The following NFIB variants were observed in gnomAD, a reference collection of about 807,000 sequenced individuals.
NFIB encodes nuclear factor 1 B-type.
Under a neutral mutation model 61.5 loss-of-function variants are expected in NFIB, and 11 were observed. That is an observed-to-expected ratio of 0.18 (90% CI 0.11 to 0.30). The LOEUF (loss-of-function observed/expected upper bound fraction) is 0.30. Among genes scored for constraint, NFIB ranks in the 10% least tolerant of loss-of-function variants. The pLI is 1.00. For synonymous variants in NFIB, 260 were observed against 216.5 expected, an observed-to-expected ratio of 1.20 and a Z score of -1.76; for missense variants, 471 against 608.9, an observed-to-expected ratio of 0.77 and a Z score of 2.38.
upstream of NFIB, among the ~76,000 whole-genome samples, chr9:14,315,534 G>A (rs188416857): frequency 6.9e-3 from 974 of 141,908 alleles, 10 homozygotes; most frequent in African/African-American, 0.023. Context: ...CGGCGCGCCC[G>A]GGGCTGCGGG....
chr9:14,443,865 G>T, the NFIB span, among the ~76,000 whole-genome samples: 25 of 152,108 alleles, frequency 1.6e-4, 1 homozygote, highest in East Asian at 4.6e-3. Flanking sequence ...CATGTGGGAG[G>T]TCCTCAATTA....
the NFIB span, among the ~76,000 whole-genome samples, chr9:14,414,837 G>A: frequency 6.6e-6 from 1 of 152,032 alleles, no homozygotes; most frequent in Non-Finnish European, 1.5e-5. Context: ...TGACACTTAG[G>A]CTAAATGTTT....
intron 6 of NFIB, among the ~76,000 whole-genome samples, chr9:14,136,209 T>C (rs572834862): frequency 6.6e-6 from 1 of 152,348 alleles, no homozygotes; most frequent in African/African-American, 2.4e-5. Context: ...TTTTGTCCAC[T>C]AAGCAATTTC....
chr9:14,113,029 T>C lies in NFIB; in HGVS notation c.1437A>G (p.Pro479=). The change falls in exon 10 of 11, where the codon CCA becomes CCG. Residue 479 remains proline (P), a synonymous_variant. Coordinates refer to ENST00000380953, the MANE Select transcript of NFIB (RefSeq NM_001190737.2). ...GCTGATGTAGGAAGGATGGGTCTCTTGGGCTTAGTCCCACATATCGATTGG... is the reference window on the plus strand; with the variant it reads ...GCTGATGTAGGAAGGATGGGTCTCTCGGGCTTAGTCCCACATATCGATTGG... ...SQANRYVGLS[P]RDPSFLHQQQ... 3 of 1,550,376 alleles carry C rather than the reference T, an allele frequency of 1.9e-6. No individual in the cohort carries two copies. The highest frequency in any genetic ancestry group is 1.2e-5 in the South Asian group (1 of 84,044).
intron 1 of NFIB, among the ~76,000 whole-genome samples, chr9:14,343,417 G>T (rs1377038076): frequency 6.6e-6 from 1 of 152,104 alleles, no homozygotes; most frequent in Non-Finnish European, 1.5e-5. Context: ...TTGCAGCCCA[G>T]TAGAGAGACG....
chr9:14,528,968 T>C, the NFIB span, among the ~76,000 whole-genome samples: 1 of 152,166 alleles, frequency 6.6e-6, no homozygotes, highest in Non-Finnish European at 1.5e-5. Flanking sequence ...AACGGTAATT[T>C]AAACTGCTTA....
At chr9:14,133,509 G>A (rs970582268) in intron 6 of NFIB, among the ~76,000 whole-genome samples, 1 of 152,196 alleles carries the variant, frequency 6.6e-6, no homozygotes, top group Non-Finnish European at 1.5e-5. Context: ...TTTTGTAGCT[G>A]AAATCTGACA....
intron 5 of NFIB, among the ~76,000 whole-genome samples, chr9:14,147,300 T>G (rs1443331822): frequency 6.6e-6 from 1 of 152,128 alleles, no homozygotes; most frequent in East Asian, 1.9e-4. Context: ...GAATTGCTAA[T>G]AGTAAGCTCC....
In NFIB at chr9:14,140,318, C is replaced by T. The variant is rs552499249; in HGVS notation, c.925+6371G>A. On this transcript the variant is annotated intron_variant, in intron 6 of 10. Coordinates refer to ENST00000380953, the MANE Select transcript of NFIB (RefSeq NM_001190737.2). ...CTGCTTATTCACTCAGCTCCCACAG[C>T]TCTAGAGAAATCTTGAGATTATATC... is the stretch of plus-strand genomic sequence containing the variant. Among the ~76,000 whole-genome samples, 3 of 152,268 alleles carry T rather than the reference C, an allele frequency of 2.0e-5. No homozygotes were observed. In the South Asian group the frequency reaches 6.2e-4, roughly 32 times the overall value.
the NFIB span, among the ~76,000 whole-genome samples, chr9:14,447,435 C>T: frequency 1.1e-4 from 17 of 152,096 alleles, no homozygotes; most frequent in Admixed American, 6.5e-4. Context: ...ATCATTCACC[C>T]GGTGGTACAA....
chr9:14,344,388 G>C (rs2060993655), intron 1 of NFIB, among the ~76,000 whole-genome samples: 1 of 150,116 alleles, frequency 6.7e-6, no homozygotes, highest in African/African-American at 2.5e-5. Flanking sequence ...CACTTGCTGT[G>C]TCTAGTCTAT....
At chr9:14,161,081 C>G (rs2044146575) in intron 3 of NFIB, among the ~76,000 whole-genome samples, 1 of 152,074 alleles carries the variant, frequency 6.6e-6, no homozygotes, top group East Asian at 1.9e-4. Flanking sequence ...GAAGAGATTA[C>G]TTTATACTAG....
intron 3 of NFIB, among the ~76,000 whole-genome samples, chr9:14,177,508 T>C (rs1347032416): frequency 6.6e-6 from 1 of 152,106 alleles, no homozygotes; most frequent in Admixed American, 6.5e-5. Context: ...GCCTTATGGT[T>C]GAGTTCATAG....
chr9:14,379,753 G>C lies in NFIB; in HGVS notation c.108+18771C>G, dbSNP rs186321440. 3.1e-3 allele frequency among the ~76,000 whole-genome samples: 478 copies of C among 152,096 alleles called. 1 individual carries two copies. The highest frequency in any genetic ancestry group is 5.7e-3 in the Non-Finnish European group (385 of 68,006). ...GCTGGAGTGCAATGGCATAATCTTG[G>C]CTCACTGCAACCTCCGCCTCCCGGG... is the stretch of plus-strand genomic sequence containing the variant. On this transcript the variant is annotated intron_variant, in intron 1 of 8. Transcript: ENST00000380934.
chr9:14,507,900 A>T, the NFIB span, among the ~76,000 whole-genome samples: 1 of 151,872 alleles, frequency 6.6e-6, no homozygotes, highest in African/African-American at 2.4e-5. Flanking sequence ...TTTTCTTTCT[A>T]TGTGACACAG....
intron 1 of NFIB, among the ~76,000 whole-genome samples, chr9:14,310,258 T>C (rs950366570): frequency 1.3e-5 from 2 of 152,238 alleles, no homozygotes; most frequent in Non-Finnish European, 2.9e-5. Context: ...ACATGCTCTT[T>C]TTTTTGAGAA....
intron 2 of NFIB, among the ~76,000 whole-genome samples, chr9:14,295,634 A>AAACAAAC (rs2059395954): frequency 9.9e-5 from 1 of 10,144 alleles, no homozygotes. Flanking sequence ...CCTTCTCAAA[A>AAACAAAC]AACAAACAAA....
intron 2 of NFIB, among the ~76,000 whole-genome samples, chr9:14,283,570 AAGAG>A (rs2058519166): frequency 6.6e-6 from 1 of 152,254 alleles, no homozygotes; most frequent in Non-Finnish European, 1.5e-5. Context: ...CTTTCAGGGC[AAGAG>A]CAGTCCTGAT....
At chr9:14,329,999 G>A (rs890769690) in intron 1 of NFIB, among the ~76,000 whole-genome samples, 1 of 151,850 alleles carries the variant, frequency 6.6e-6, no homozygotes, top group African/African-American at 2.4e-5. Flanking sequence ...TGGTGGCACA[G>A]GCCTGTAGTC....
Sources: allele counts gnomAD v4.1 joint callset (sites outside exome capture counted in the v4.1 genomes callset), GRCh38; gene constraint gnomAD v4.1.1; transcripts MANE v1.5; gene names NCBI Gene and HGNC (gene_info 2026-07-23, HGNC 2026-07-21).